The following TMEM26 variants were observed in gnomAD, a reference collection of about 807,000 sequenced individuals.
TMEM26 encodes the protein transmembrane protein 26.
TMEM26 carries 38 observed loss-of-function variants against 28.8 expected under a neutral mutation model. That is an observed-to-expected ratio of 1.32 (90% CI 1.02 to 1.73). The LOEUF (loss-of-function observed/expected upper bound fraction) is 1.73, where lower values mean the gene tolerates loss of function less well. Ranked by LOEUF, TMEM26 falls within the 40% of genes most tolerant of loss-of-function variation. TMEM26 has a pLI of 0.00. For missense variants in TMEM26, 518 were observed against 447.1 expected, an observed-to-expected ratio of 1.16 and a Z score of -1.43; for synonymous variants, 227 against 182.9, an observed-to-expected ratio of 1.24 and a Z score of -1.95.
chr10:61,434,948 G>A (rs1482586702), intron 2 of TMEM26, among the ~76,000 whole-genome samples: 1 of 152,140 alleles, frequency 6.6e-6, no homozygotes, highest in Non-Finnish European at 1.5e-5. Flanking sequence ...TATCAGTGAA[G>A]TTACCAAAAT....
In TMEM26 at chr10:61,453,053, A is replaced by G; in HGVS notation, c.29T>C (p.Leu10Pro). The G allele has an allele frequency of 6.2e-7, 1 of 1,613,570 alleles. No homozygotes were observed. The highest frequency in any genetic ancestry group is 1.7e-5 in the Admixed American group (1 of 60,014). The change falls in exon 1 of 6, where the codon CTG becomes CCG. Residue 10 changes from leucine to proline, a missense_variant. By Grantham distance (98) the Leu-to-Pro change is moderately conservative (BLOSUM62 -3). Coordinates refer to ENST00000399298, the MANE Select transcript of TMEM26 (RefSeq NM_178505.8). MEGLVFLNALATRLLFLLHS... is the reference protein window; with the variant it reads MEGLVFLNAPATRLLFLLHS... ...CAGCAGGAACAGCAACCGAGTGGCC[A>G]GGGCGTTAAGGAAGACCAGTCCCTC...
intron 1 of TMEM26, among the ~76,000 whole-genome samples, chr10:61,441,389 T>G (rs931546788): frequency 5.3e-5 from 8 of 152,224 alleles, no homozygotes; most frequent in African/African-American, 1.7e-4. Flanking sequence ...ATTTAATATT[T>G]TAGTGTGATA....
At chr10:61,430,805 A>G (rs552201274) in intron 3 of TMEM26, among the ~76,000 whole-genome samples, 263 of 152,176 alleles carry the variant, frequency 1.7e-3, no homozygotes, top group Non-Finnish European at 3.1e-3. Flanking sequence ...GAGGCTGTAC[A>G]TGAGTACAGA....
intron 2 of TMEM26, among the ~76,000 whole-genome samples, chr10:61,432,551 G>T (rs1252921642): frequency 1.3e-5 from 2 of 152,128 alleles, no homozygotes; most frequent in East Asian, 1.9e-4. Flanking sequence ...TCAAACATCT[G>T]CAGTGCTAAC....
intron 4 of TMEM26, chr10:61,416,019 C>T (rs1166281209): frequency 4.9e-6 from 2 of 409,680 alleles, no homozygotes; most frequent in African/African-American, 4.2e-5. Flanking sequence ...ATTCAAATTT[C>T]ATCACAATAG....
chr10:61,445,263 T>C lies in TMEM26; in HGVS notation c.191+7628A>G, dbSNP rs1304468465. ...CTGTCTGAGAATGGCACTAGCCAAT[T>C]TATTTTGAGGCTATTTCAGGTAGAT... On this transcript the variant is annotated intron_variant, in intron 1 of 5. Transcript: ENST00000399298. Among the ~76,000 whole-genome samples the C allele has an allele frequency of 3.3e-5, 5 of 152,170 alleles. No individual in the cohort carries two copies. In the East Asian group the frequency reaches 9.6e-4, roughly 29 times the overall value.
intron 1 of TMEM26, among the ~76,000 whole-genome samples, chr10:61,448,234 T>C (rs762586306): frequency 4.6e-5 from 7 of 152,272 alleles, no homozygotes; most frequent in Non-Finnish European, 8.8e-5. Context: ...ATTCTTCCTG[T>C]GACAGCTCAA....
At chr10:61,427,023 T>C (rs1460230056) in intron 4 of TMEM26, among the ~76,000 whole-genome samples, 3 of 152,022 alleles carry the variant, frequency 2.0e-5, no homozygotes, top group East Asian at 3.9e-4. Flanking sequence ...AGAACTTGAA[T>C]GGGAATTACA....
At position 61,429,081 on chromosome 10, in the gene TMEM26, C is replaced by A. The variant is rs372783618; in HGVS notation, c.450G>T (p.Gln150His). 1.7e-5 allele frequency: 27 copies of A among 1,613,160 alleles called. No homozygotes were observed. The highest frequency in any genetic ancestry group is 2.2e-5 in the Non-Finnish European group (26 of 1,179,474). ...CAATTATTAGCATTAACAGGAATGT[C>A]TGATGGAGTCCCAATGTCCAAACTT... is the stretch of plus-strand genomic sequence containing the variant. The part of the protein sequence containing the change: ...CEKVWTLGLH[Q>H]TFLLMLIIGR... The change falls in exon 4 of 6, where the codon CAG becomes CAT. Residue 150 changes from glutamine (Q) to histidine (H), a missense_variant. Physicochemically the swap from Gln to His is conservative, Grantham distance 24. Coordinates refer to ENST00000399298, the MANE Select transcript of TMEM26 (RefSeq NM_178505.8).
In TMEM26 at chr10:61,425,471, C is replaced by A. The variant is rs555697027; in HGVS notation, c.605+3455G>T. Reference sequence around the variant, plus strand: ...GAACTTCTTCAAAATTTTAAAAACACGTTTTTCAGAAGATAAACATTAAAA... The same window carrying A: ...GAACTTCTTCAAAATTTTAAAAACAAGTTTTTCAGAAGATAAACATTAAAA... On this transcript the variant is annotated intron_variant, in intron 4 of 5. Coordinates refer to ENST00000399298, the MANE Select transcript of TMEM26 (RefSeq NM_178505.8). Among the ~76,000 whole-genome samples the A allele has an allele frequency of 7.3e-4, 111 of 152,102 alleles. 3 individuals are homozygous for A. The South Asian group carries it at 0.017, about 24-fold the overall frequency.
chr10:61,452,700 C>T (rs1404473518), intron 1 of TMEM26, 191 bp downstream of exon 1: 5 of 628,450 alleles, frequency 8.0e-6, no homozygotes, highest in Non-Finnish European at 1.4e-5. Flanking sequence ...CAGTGTTGCA[C>T]TGGGACCCTA....
chr10:61,416,409 A>T (rs1381158506), intron 4 of TMEM26, among the ~76,000 whole-genome samples: 1 of 152,118 alleles, frequency 6.6e-6, no homozygotes, highest in East Asian at 1.9e-4. Context: ...ATGCATAAGT[A>T]GTTTAACATC....
intron 1 of TMEM26, among the ~76,000 whole-genome samples, chr10:61,444,258 G>A (rs1840141709): frequency 6.6e-6 from 1 of 152,072 alleles, no homozygotes; most frequent in South Asian, 2.1e-4. Flanking sequence ...AAACCACCAT[G>A]ACAGCATCTG....
chr10:61,433,747 T>A (rs1034196888), intron 2 of TMEM26, among the ~76,000 whole-genome samples: 3 of 152,140 alleles, frequency 2.0e-5, no homozygotes, highest in African/African-American at 7.2e-5. Context: ...GAAAATTAAA[T>A]TACTCTTTTC....
At chr10:61,424,862 G>C (rs987969936) in intron 4 of TMEM26, among the ~76,000 whole-genome samples, 1 of 152,180 alleles carries the variant, frequency 6.6e-6, no homozygotes, top group Non-Finnish European at 1.5e-5. Context: ...ATTAGTCCCA[G>C]CTGGAATGGG....
At chr10:61,416,042 T>C (rs1298813715) in intron 4 of TMEM26, 2 of 443,264 alleles carry the variant, frequency 4.5e-6, no homozygotes, top group East Asian at 7.1e-5. Flanking sequence ...GAAAGTAGTT[T>C]CTAATAATAT....
chr10:61,414,660 T>C (rs896569610), intron 4 of TMEM26: 3 of 152,038 alleles, frequency 2.0e-5, no homozygotes, highest in African/African-American at 7.2e-5. Context: ...AAAGGCACAT[T>C]TACTATTAAT....
rs527927252 is a variant in TMEM26, at chr10:61,410,615, G to C, written c.814C>G (p.Arg272Gly). 6.2e-7 allele frequency: 1 copy of C among 1,614,036 alleles called. No homozygotes were observed. The highest frequency in any genetic ancestry group is 2.2e-5 in the East Asian group (1 of 44,844). ...TTGAAATAGGTCATCAGTATGAGAC[G>C]CACGACAAGGAAGGGGCCATCTTGT... The part of the protein sequence containing the change: ...FIQDGPFLVV[R>G]LILMTYFKVI... Residue 272 changes from arginine (R) to glycine (G), a missense_variant, in exon 6 of 6, where the codon CGT becomes GGT. Coordinates refer to ENST00000399298, the MANE Select transcript of TMEM26 (RefSeq NM_178505.8).
In TMEM26 at chr10:61,410,233, A is replaced by T; in HGVS notation, c.*89T>A. 1 of 1,355,680 alleles carries T rather than the reference A, an allele frequency of 7.4e-7. No individual in the cohort carries two copies. 84.0% of individuals were successfully genotyped at this position (1,355,680 alleles called of 1,614,324 possible). On this transcript the variant is annotated 3_prime_UTR_variant, in exon 6 of 6. Coordinates refer to ENST00000399298, the MANE Select transcript of TMEM26 (RefSeq NM_178505.8). ...TTATGTTGTTCTTTTGAAAATTATT[A>T]TACGCCAAGGTTGGAGGAGAAAAAG...
Sources: allele counts gnomAD v4.1 joint callset (sites outside exome capture counted in the v4.1 genomes callset), GRCh38; gene constraint gnomAD v4.1.1; transcripts MANE v1.5; gene names NCBI Gene and HGNC (gene_info 2026-07-23, HGNC 2026-07-21).